Variants in MMP8 observed in about 807,000 individuals in gnomAD.
MMP8 encodes matrix metallopeptidase 8.
In MMP8, 67 loss-of-function variants were observed where a neutral mutation model predicts 51.2. The observed-to-expected ratio is 1.31, with a 90% CI of 1.08 to 1.60. The LOEUF (loss-of-function observed/expected upper bound fraction) is 1.60, where lower values mean the gene tolerates loss of function less well. MMP8 is among the 40% of genes most tolerant of loss of function. The pLI is 0.00. For synonymous variants in MMP8, 225 were observed against 191.0 expected, an observed-to-expected ratio of 1.18 and a Z score of -1.47; for missense variants, 654 against 558.1, an observed-to-expected ratio of 1.17 and a Z score of -1.73.
At chr11:102,714,469 T>C in intron 8 of MMP8, 87 bp downstream of exon 8, 3 of 922,998 alleles carry the variant, frequency 3.3e-6, no homozygotes, top group East Asian at 3.3e-5. Context: ...ATCTAGATTG[T>C]TTTAAACCTT....
Position 102,715,368 on chromosome 11 carries a change from G to A in MMP8, c.972C>T (p.Ser324=), listed in dbSNP as rs776739932. ...AAGCAGCCTGTATACCAGTTGGAAG[G>A]GATGGCCAGAATAGAGAAATAAAAT... ...EMNFISLFWP[S]LPTGIQAAYE... The change falls in exon 7 of 10, where the codon TCC becomes TCT. Residue 324 remains serine (S), a synonymous_variant. Transcript: ENST00000236826. The A allele has an allele frequency of 6.2e-7, 1 of 1,613,686 alleles. No individual in the cohort carries two copies. The highest frequency in any genetic ancestry group is 1.1e-5 in the South Asian group (1 of 91,048).
chr11:102,718,907 T>G (rs545875457), intron 4 of MMP8, among the ~76,000 whole-genome samples: 1 of 152,314 alleles, frequency 6.6e-6, no homozygotes, highest in South Asian at 2.1e-4. Context: ...GGAACCCCTC[T>G]TCTCTTGCAT....
At chr11:102,723,726 C>T (rs35868125) in intron 1 of MMP8, 234 of 300,106 alleles carry the variant, frequency 7.8e-4, no homozygotes, top group African/African-American at 4.3e-3. Context: ...ATTAATCTTT[C>T]TTAATGACCT....
At chr11:102,717,921 T>C (rs1422445656) in intron 5 of MMP8, among the ~76,000 whole-genome samples, 3 of 152,126 alleles carry the variant, frequency 2.0e-5, no homozygotes, top group Non-Finnish European at 1.5e-5. Flanking sequence ...AGCCTGGTCA[T>C]TGTGGTGAAA....
At chr11:102,723,022 A>C (rs35696670) in intron 1 of MMP8, 2 of 1,296,064 alleles carry the variant, frequency 1.5e-6, no homozygotes, top group Non-Finnish European at 2.0e-6. Context: ...TATTTGTTGC[A>C]TCAGTGCAGT....
At chr11:102,724,412 T>C (rs1053969896) in intron 1 of MMP8, among the ~76,000 whole-genome samples, 2 of 152,196 alleles carry the variant, frequency 1.3e-5, no homozygotes, top group Admixed American at 1.3e-4. Flanking sequence ...AGTAACTTGA[T>C]TGCAGATATC....
At position 102,718,470 on chromosome 11, in the gene MMP8, T is replaced by C. The variant is rs1326341454; in HGVS notation, c.728A>G (p.Glu243Gly). ...ALMYPNYAFRETSNYSLPQDD... is the reference protein window; with the variant it reads ...ALMYPNYAFRGTSNYSLPQDD... The stretch of plus-strand genomic sequence containing the variant: ...TTGAGGGAGTGAGTAGTTGCTGGTT[T>C]CCCTGAAAGCATAGTTGGGATACAT... The change falls in exon 5 of 10, where the codon GAA becomes GGA. Residue 243 changes from glutamate to glycine, a missense_variant. Transcript: ENST00000236826. 3 of 1,613,696 alleles carry C rather than the reference T, an allele frequency of 1.9e-6. No homozygotes were observed. Among genetic ancestry groups the C allele is most frequent in the Non-Finnish European group, 2.5e-6 (3 of 1,179,882 alleles).
intron 6 of MMP8, among the ~76,000 whole-genome samples, chr11:102,715,862 C>T (rs1861276153): frequency 1.3e-5 from 2 of 152,208 alleles, no homozygotes; most frequent in South Asian, 2.1e-4. Flanking sequence ...TGATTTGCTG[C>T]ACAGCTAGCT....
At chr11:102,716,160 C>T (rs1861286173) in intron 6 of MMP8, 142 bp downstream of exon 6, 5 of 571,306 alleles carry the variant, frequency 8.8e-6, no homozygotes, top group Admixed American at 3.1e-5. Flanking sequence ...CCTAGTGGTG[C>T]CCCAGAACCT....
intron 8 of MMP8, 33 bp from the exon 9 acceptor site, chr11:102,713,890 C>G: frequency 6.5e-7 from 1 of 1,531,850 alleles, no homozygotes; most frequent in African/African-American, 1.4e-5. Context: ...CGATTTAACA[C>G]CAATACAGAA....
chr11:102,721,312 C>T (rs1861460998), intron 4 of MMP8, 89 bp downstream of exon 4: 3 of 1,298,634 alleles, frequency 2.3e-6, no homozygotes, highest in African/African-American at 4.4e-5. Flanking sequence ...TATTATGTTA[C>T]CTTTATTGTG....
intron 4 of MMP8, among the ~76,000 whole-genome samples, chr11:102,718,875 T>C (rs1396100147): frequency 2.0e-5 from 3 of 152,236 alleles, no homozygotes; most frequent in Non-Finnish European, 4.4e-5. Flanking sequence ...GGAGAAGTAA[T>C]GGCAGAGCCG....
chr11:102,716,768 C>G (rs750516535), intron 5 of MMP8, among the ~76,000 whole-genome samples: 2 of 152,118 alleles, frequency 1.3e-5, no homozygotes, highest in Non-Finnish European at 2.9e-5. Flanking sequence ...TCTATTGCCT[C>G]TCTCCTCACC....
chr11:102,713,759 T>C lies in MMP8; in HGVS notation c.1289A>G (p.Gln430Arg), dbSNP rs1371940278. ...GGTTTTTTTTTCCTACTTACGTTCT[T>C]GCTGGAAAACTGCATCAACTTTACT... Reference protein sequence around the residue: ...IESKVDAVFQQEHFFHVFSGP... With the variant: ...IESKVDAVFQREHFFHVFSGP... Residue 430 changes from glutamine to arginine, a missense_variant, in exon 9 of 10, where the codon CAA (glutamine) becomes CGA (arginine). Gln to Arg is a conservative substitution (Grantham distance 43, BLOSUM62 1). Coordinates refer to ENST00000236826, the MANE Select transcript of MMP8 (RefSeq NM_002424.3). The C allele has an allele frequency of 2.5e-6, 4 of 1,602,788 alleles. No individual in the cohort carries two copies. Among genetic ancestry groups the C allele is most frequent in the Non-Finnish European group, 3.4e-6 (4 of 1,175,858 alleles).
intron 4 of MMP8, 83 bp downstream of exon 4, chr11:102,721,318 T>TGTG (rs1555096521): frequency 3.0e-6 from 4 of 1,353,000 alleles, no homozygotes; most frequent in African/African-American, 1.5e-5. Flanking sequence ...GTTACCTTTA[T>TGTG]TGTGTGTGTG....
chr11:102,717,340 A>G (rs1353991430), intron 5 of MMP8, among the ~76,000 whole-genome samples: 1 of 152,202 alleles, frequency 6.6e-6, no homozygotes, highest in Non-Finnish European at 1.5e-5. Flanking sequence ...CTTGAAATGT[A>G]TCAGTGATGC....
intron 1 of MMP8, chr11:102,724,010 T>C (rs950773350): frequency 1.9e-5 from 4 of 210,992 alleles, no homozygotes; most frequent in African/African-American, 9.3e-5. Flanking sequence ...ATTTGTGAAA[T>C]GTGTAGCAGT....
At chr11:102,713,562 C>T in intron 9 of MMP8, 105 bp from the exon 10 acceptor site, 2 of 1,092,956 alleles carry the variant, frequency 1.8e-6, no homozygotes, top group South Asian at 2.9e-5. Flanking sequence ...CAAATGCAAA[C>T]ATGCTATTTA....
In MMP8 at chr11:102,718,111, C is replaced by T. The variant is rs565422940; in HGVS notation, c.784+303G>A. 9.9e-5 allele frequency among the ~76,000 whole-genome samples: 15 copies of T among 150,818 alleles called. No homozygotes were observed. In the South Asian group the frequency reaches 1.7e-3, roughly 17 times the overall value. On this transcript the variant is annotated intron_variant, in intron 5 of 9. Transcript: ENST00000236826. ...AACAGAGTGAGACTCCATCCCCCCCCCCAAAAAAAATTTAAAATTGGAAAT... is the reference window on the plus strand; with the variant it reads ...AACAGAGTGAGACTCCATCCCCCCCTCCAAAAAAAATTTAAAATTGGAAAT...
Sources: allele counts gnomAD v4.1 joint callset (sites outside exome capture counted in the v4.1 genomes callset), GRCh38; gene constraint gnomAD v4.1.1; transcripts MANE v1.5; gene names NCBI Gene and HGNC (gene_info 2026-07-23, HGNC 2026-07-21).